SOX6: variants seen among roughly 807,000 people sequenced by gnomAD.
SOX6 encodes transcription factor SOX-6.
Under a neutral mutation model 97.8 loss-of-function variants are expected in SOX6, and 11 were observed. The observed-to-expected ratio is 0.11, with a 90% CI of 0.07 to 0.19. SOX6 has a LOEUF of 0.19. Among genes scored for constraint, SOX6 ranks in the 10% least tolerant of loss-of-function variants. The pLI is 1.00. For synonymous variants in SOX6, 360 were observed against 371.4 expected (o/e 0.97, Z 0.35); for missense variants, 810 against 1,039.5 (o/e 0.78, Z 3.04).
At chr11:16,058,564 C>A (rs1000230527) in intron 9 of SOX6, among the ~76,000 whole-genome samples, 43 of 152,000 alleles carry the variant, frequency 2.8e-4, no homozygotes, top group Non-Finnish European at 2.9e-5. Flanking sequence ...TGGGAAATCA[C>A]AAATATCAAT....
chr11:16,578,649 T>A (rs188491397), intron 4 of SOX6, among the ~76,000 whole-genome samples: 84 of 152,278 alleles, frequency 5.5e-4, no homozygotes, highest in African/African-American at 1.6e-3. Flanking sequence ...AAAATTTGCT[T>A]TAAAAATTAG....
chr11:16,488,693 C>T (rs1860471691), intron 4 of SOX6, among the ~76,000 whole-genome samples: 1 of 152,128 alleles, frequency 6.6e-6, no homozygotes, highest in South Asian at 2.1e-4. Context: ...CAGGTTAGTC[C>T]TTCTCAACCT....
chr11:16,049,426 A>G (rs1366711329), intron 11 of SOX6, among the ~76,000 whole-genome samples: 1 of 152,148 alleles, frequency 6.6e-6, no homozygotes, highest in Non-Finnish European at 1.5e-5. Flanking sequence ...GGTCTTTTGA[A>G]AGGTTGCTTT....
chr11:16,572,904 CAGAT>C (rs752372748), intron 4 of SOX6, among the ~76,000 whole-genome samples: 1 of 152,258 alleles, frequency 6.6e-6, no homozygotes, highest in South Asian at 2.1e-4. Context: ...AGAGATAAAG[CAGAT>C]AGCCCATAAA....
At chr11:16,115,787 A>G (rs1366929757) in intron 6 of SOX6, among the ~76,000 whole-genome samples, 3 of 152,228 alleles carry the variant, frequency 2.0e-5, no homozygotes, top group Non-Finnish European at 4.4e-5. Context: ...GTTTTGGCAA[A>G]GAAAACCTGG....
At chr11:16,327,659 G>A (rs1037605715) in intron 2 of SOX6, among the ~76,000 whole-genome samples, 2 of 151,992 alleles carry the variant, frequency 1.3e-5, no homozygotes, top group African/African-American at 4.8e-5. Context: ...CTGGATTGCC[G>A]ACCATACCTA....
chr11:16,406,359 C>T (rs978594414), intron 1 of SOX6, among the ~76,000 whole-genome samples: 1 of 152,068 alleles, frequency 6.6e-6, no homozygotes, highest in African/African-American at 2.4e-5. Flanking sequence ...TGGCTTAAAA[C>T]AATAAGCATG....
intron 9 of SOX6, among the ~76,000 whole-genome samples, chr11:16,078,600 C>A (rs1197948213): frequency 6.6e-6 from 1 of 152,046 alleles, no homozygotes; most frequent in African/African-American, 2.4e-5. Flanking sequence ...TTTGGAAAAG[C>A]AGACGTGGGC....
At chr11:16,253,974 G>T (rs1853600737) in intron 3 of SOX6, among the ~76,000 whole-genome samples, 1 of 152,014 alleles carries the variant, frequency 6.6e-6, no homozygotes, top group Non-Finnish European at 1.5e-5. Context: ...AAGAAGTCCA[G>T]GGTTGAGGAA....
At chr11:16,457,038 A>C (rs1401155002) in intron 1 of SOX6, among the ~76,000 whole-genome samples, 2 of 152,152 alleles carry the variant, frequency 1.3e-5, no homozygotes, top group Non-Finnish European at 2.9e-5. Flanking sequence ...CAGAATGAAT[A>C]AATGAATACA....
intron 12 of SOX6, among the ~76,000 whole-genome samples, chr11:16,018,790 A>G (rs965651639): frequency 1.3e-5 from 2 of 152,100 alleles, no homozygotes; most frequent in Non-Finnish European, 2.9e-5. Flanking sequence ...TGGTAAATTA[A>G]TGACATTTTT....
At chr11:16,732,118 T>C (rs1477977580) in intron 2 of SOX6, among the ~76,000 whole-genome samples, 1 of 152,202 alleles carries the variant, frequency 6.6e-6, no homozygotes, top group Non-Finnish European at 1.5e-5. Context: ...AAACATTCCA[T>C]GCTTATGAAT....
At chr11:16,574,771 T>C (rs12421422) in intron 4 of SOX6, among the ~76,000 whole-genome samples, 1 of 151,708 alleles carries the variant, frequency 6.6e-6, no homozygotes, top group Non-Finnish European at 1.5e-5. Flanking sequence ...TCATTTTTTT[T>C]AAAAAAAGAT....
intron 4 of SOX6, among the ~76,000 whole-genome samples, chr11:16,499,741 C>T (rs1179531542): frequency 1.5e-4 from 23 of 152,030 alleles, no homozygotes; most frequent in Admixed American, 1.3e-3. Flanking sequence ...ACACATACAC[C>T]CTCCCAACAC....
At chr11:16,619,763 A>C (rs1464178391) in intron 3 of SOX6, among the ~76,000 whole-genome samples, 1 of 152,100 alleles carries the variant, frequency 6.6e-6, no homozygotes, top group Non-Finnish European at 1.5e-5. Flanking sequence ...TTCAAAACTA[A>C]AATTTCATTT....
chr11:16,095,912 T>C (rs1848782214), intron 9 of SOX6, 84 bp downstream of exon 9: 1 of 1,364,156 alleles, frequency 7.3e-7, no homozygotes, highest in Non-Finnish European at 1.0e-6. Context: ...TGTTTGCCAC[T>C]TTAAAAAAAA....
intron 4 of SOX6, among the ~76,000 whole-genome samples, chr11:16,192,994 CT>C (rs1276085051): frequency 2.6e-5 from 4 of 152,058 alleles, no homozygotes; most frequent in Admixed American, 1.3e-4. Context: ...ATACCTAGAA[CT>C]TTTACAATAT....
intron 6 of SOX6, among the ~76,000 whole-genome samples, chr11:16,127,567 C>A (rs1157378846): frequency 1.3e-5 from 2 of 152,048 alleles, no homozygotes; most frequent in African/African-American, 4.8e-5. Context: ...GATTATAAAA[C>A]TGTATTTGAA....
chr11:16,725,597 A>G (rs1848300855), intron 2 of SOX6, among the ~76,000 whole-genome samples: 1 of 152,174 alleles, frequency 6.6e-6, no homozygotes, highest in South Asian at 2.1e-4. Context: ...AGAGGCAAAT[A>G]TAGAGAGATA....
Sources: gnomAD v4.1 joint callset for allele counts (sites outside exome capture counted in the v4.1 genomes callset) on GRCh38, gnomAD v4.1.1 for gene constraint, MANE v1.5 for transcripts, NCBI Gene and HGNC (gene_info 2026-07-23, HGNC 2026-07-21) for gene names.